DNAH9: variants seen among roughly 807,000 people sequenced by gnomAD.
DNAH9 encodes the protein dynein axonemal heavy chain 9.
DNAH9 carries 345 observed loss-of-function variants against 471.6 expected under a neutral mutation model. The ratio of observed to expected loss-of-function variants is 0.73; its 90% CI spans 0.67 to 0.80. The LOEUF (loss-of-function observed/expected upper bound fraction) is 0.80. Among genes scored for constraint, DNAH9 ranks in the 30% least tolerant of loss-of-function variants. The pLI is 0.00. For synonymous variants in DNAH9, 2,093 were observed against 2,123.6 expected, an observed-to-expected ratio of 0.99 and a Z score of 0.40; for missense variants, 5,407 against 5,609.2, an observed-to-expected ratio of 0.96 and a Z score of 1.15.
chr17:11,804,312 C>A (rs1452025250), intron 43 of DNAH9, among the ~76,000 whole-genome samples: 3 of 152,220 alleles, frequency 2.0e-5, no homozygotes, highest in Non-Finnish European at 4.4e-5. Flanking sequence ...TAGTAGTTAA[C>A]CACATCCAAC....
rs1972307514 is a variant in DNAH9 at position 11,872,501 on chromosome 17, C to T, written c.10242+715C>T. Among the ~76,000 whole-genome samples, 4 of 152,260 alleles carry T rather than the reference C, an allele frequency of 2.6e-5. No individual in the cohort carries two copies. In the South Asian group the frequency reaches 8.3e-4, roughly 32 times the overall value. Reference sequence around the variant, plus strand: ...CACTTTCGCATCACTTCTAGCAACCCACAAATACTTCCTGTGTATTTAGTG... The same window carrying T: ...CACTTTCGCATCACTTCTAGCAACCTACAAATACTTCCTGTGTATTTAGTG... On this transcript the variant is annotated intron_variant, in intron 52 of 68. Transcript: ENST00000262442.
chr17:11,677,328 T>C (rs996383043), intron 17 of DNAH9, among the ~76,000 whole-genome samples: 2 of 152,204 alleles, frequency 1.3e-5, no homozygotes, highest in East Asian at 1.9e-4. Flanking sequence ...GGTTATGTTA[T>C]AGGCATACAG....
intron 61 of DNAH9, among the ~76,000 whole-genome samples, chr17:11,910,126 G>T (rs1973744484): frequency 6.6e-6 from 1 of 152,022 alleles, no homozygotes; most frequent in African/African-American, 2.4e-5. Context: ...ATGGTGGCGG[G>T]TGCCTGTAGT....
intron 28 of DNAH9, among the ~76,000 whole-genome samples, chr17:11,728,750 G>A (rs1342613154): frequency 6.6e-6 from 1 of 152,116 alleles, no homozygotes; most frequent in East Asian, 1.9e-4. Flanking sequence ...TTCTGTACCA[G>A]GCACTTTTCA....
chr17:11,827,230 A>G (rs1459972056), intron 48 of DNAH9, among the ~76,000 whole-genome samples: 2 of 152,130 alleles, frequency 1.3e-5, no homozygotes, highest in Non-Finnish European at 2.9e-5. Context: ...ATCACCCACT[A>G]TGTGAGGCCA....
chr17:11,945,765 A>G (rs1374596383), intron 67 of DNAH9, among the ~76,000 whole-genome samples: 1 of 151,876 alleles, frequency 6.6e-6, no homozygotes, highest in Non-Finnish European at 1.5e-5. Flanking sequence ...CATGTGAGAA[A>G]GCTGCACTTG....
chr17:11,778,257 C>T (rs941857095), intron 38 of DNAH9, among the ~76,000 whole-genome samples: 2 of 129,936 alleles, frequency 1.5e-5, no homozygotes, highest in Non-Finnish European at 3.1e-5. Flanking sequence ...ACCCAGGAGA[C>T]GGAGGTTGCA....
intron 19 of DNAH9, among the ~76,000 whole-genome samples, chr17:11,682,427 T>C (rs937001094): frequency 1.3e-5 from 2 of 151,928 alleles, no homozygotes; most frequent in African/African-American, 2.4e-5. Flanking sequence ...ACCTGTGTTC[T>C]GGGCAAACTG....
intron 26 of DNAH9, 115 bp downstream of exon 26, chr17:11,705,300 A>G: frequency 5.6e-6 from 5 of 899,136 alleles, no homozygotes; most frequent in African/African-American, 1.6e-5. Flanking sequence ...GCTACAGGGA[A>G]AGGGCCTGAC....
chr17:11,894,606 CTG>C, intron 59 of DNAH9, 110 bp downstream of exon 59: 3 of 1,415,222 alleles, frequency 2.1e-6, no homozygotes, highest in Non-Finnish European at 1.9e-6. Context: ...AAGCATGGAG[CTG>C]TGTTAAACAT....
intron 45 of DNAH9, among the ~76,000 whole-genome samples, chr17:11,818,026 C>T (rs901618981): frequency 3.3e-5 from 5 of 152,156 alleles, no homozygotes; most frequent in Non-Finnish European, 7.3e-5. Context: ...TACAGTAGTT[C>T]AAGAAAGTGC....
In DNAH9 at chr17:11,843,857, G is replaced by GTATA. The variant is rs1341485444; in HGVS notation, c.9507+8960_9507+8961insATAT. 2.4e-3 allele frequency among the ~76,000 whole-genome samples: 22 copies of GTATA among 9,314 alleles called. No individual in the cohort carries two copies. In the South Asian group the frequency reaches 0.025, roughly 10 times the overall value. The allele number at this position is 9,314 out of a possible 152,430, so 6.1% of individuals were successfully genotyped here. ...TATATGTGTTTGTGTGTGTGTGTGT[G>GTATA]TGTGTGTATATATATATATATATAT... On this transcript the variant is annotated intron_variant, in intron 49 of 68. Coordinates refer to ENST00000262442, the MANE Select transcript of DNAH9 (RefSeq NM_001372.4).
At chr17:11,865,119 A>G (rs370429773) in intron 50 of DNAH9, among the ~76,000 whole-genome samples, 1 of 151,986 alleles carries the variant, frequency 6.6e-6, no homozygotes, top group Non-Finnish European at 1.5e-5. Context: ...TCCTAGTCTC[A>G]ATGGTCTTTA....
chr17:11,661,050 TGTTAA>T (rs145040556), intron 14 of DNAH9, among the ~76,000 whole-genome samples: 2,794 of 149,130 alleles, frequency 0.019, 53 homozygotes, highest in East Asian at 0.096. Flanking sequence ...TTTGAAGTTC[TGTTAA>T]GTTCTGTTAT....
chr17:11,677,254 T>A (rs1294225171), intron 17 of DNAH9, among the ~76,000 whole-genome samples: 3 of 152,262 alleles, frequency 2.0e-5, no homozygotes, highest in African/African-American at 7.2e-5. Context: ...AAATCTTCCA[T>A]TTTTAGTGGT....
At chr17:11,933,820 GC>G in intron 64 of DNAH9, 59 bp from the exon 65 acceptor site, 4 of 1,520,366 alleles carry the variant, frequency 2.6e-6, no homozygotes, top group Non-Finnish European at 2.7e-6. Flanking sequence ...TGGGAGGCCA[GC>G]CCCGACGCCT....
At position 11,854,062 on chromosome 17, in the gene DNAH9, C is replaced by T. The variant is rs147124932; in HGVS notation, c.9567C>T (p.Ser3189=). 289 of 1,614,036 alleles carry T rather than the reference C, an allele frequency of 1.8e-4. 1 individual carries two copies. Among genetic ancestry groups the T allele is most frequent in the African/African-American group, 1.1e-4 (8 of 74,918 alleles). The part of the protein sequence containing the change: ...GSPPLAVSNV[S]AAVMVLMAPR... ...CGCCTCTGGCCGTCAGCAATGTCAG[C>T]GCTGCGGTGATGGTACTGATGGCTC... The change falls in exon 50 of 69, where the codon AGC becomes AGT. Residue 3189 remains serine (S), a synonymous_variant. Coordinates refer to ENST00000262442, the MANE Select transcript of DNAH9 (RefSeq NM_001372.4).
chr17:11,929,287 G>A (rs2151033753), intron 62 of DNAH9, among the ~76,000 whole-genome samples: 1 of 152,196 alleles, frequency 6.6e-6, no homozygotes. Flanking sequence ...GCCTGCCTCA[G>A]CCTCCCAAAG....
chr17:11,875,307 A>C, intron 53 of DNAH9, 123 bp downstream of exon 53: 4 of 746,842 alleles, frequency 5.4e-6, no homozygotes, highest in Non-Finnish European at 8.6e-6. Context: ...CAGGCTTCTC[A>C]CGTTTCTCCG....
Sources: gnomAD v4.1 joint callset for allele counts (sites outside exome capture counted in the v4.1 genomes callset) on GRCh38, gnomAD v4.1.1 for gene constraint, MANE v1.5 for transcripts, NCBI Gene and HGNC (gene_info 2026-07-23, HGNC 2026-07-21) for gene names.